The following ACTR3B variants were observed in gnomAD, a reference collection of about 807,000 sequenced individuals.
ACTR3B encodes the protein actin related protein 3B, also known as actin-related protein 3B.
In ACTR3B, 8 loss-of-function variants were observed where a neutral mutation model predicts 59.0. The observed-to-expected ratio is 0.14, with a 90% CI of 0.08 to 0.24. The LOEUF is 0.24. ACTR3B is among the 10% of genes least tolerant of loss of function. The pLI, the probability that ACTR3B is intolerant of heterozygous loss-of-function variation, is 1.00. For synonymous variants in ACTR3B, 148 were observed against 197.9 expected (o/e 0.75, Z 2.12); for missense variants, 245 against 552.3 (o/e 0.44, Z 5.58).
intron 9 of ACTR3B, among the ~76,000 whole-genome samples, chr7:152,833,056 G>A (rs1797155522): frequency 6.6e-6 from 1 of 152,184 alleles, no homozygotes; most frequent in South Asian, 2.1e-4. Context: ...CCTGTTAAGT[G>A]GCACTGAGAG....
intron 8 of ACTR3B, among the ~76,000 whole-genome samples, chr7:152,823,764 G>T (rs2116871370): frequency 6.6e-6 from 1 of 152,270 alleles, no homozygotes; most frequent in East Asian, 1.9e-4. Context: ...AGCAATAGAT[G>T]ACAATAGAAT....
intron 9 of ACTR3B, among the ~76,000 whole-genome samples, chr7:152,842,090 C>T (rs2948929): frequency 0.11 from 17,132 of 152,158 alleles, 1,149 homozygotes; most frequent in Non-Finnish European, 0.15. Flanking sequence ...TTTGACTTCC[C>T]GAAGTTTCAT....
chr7:152,842,191 C>T (rs535355387), intron 9 of ACTR3B, among the ~76,000 whole-genome samples: 6 of 151,830 alleles, frequency 4.0e-5, no homozygotes, highest in Non-Finnish European at 7.4e-5. Flanking sequence ...CCTCTGTATA[C>T]GATCTTTTTT....
At chr7:152,766,015 C>CT (rs974640808) in intron 1 of ACTR3B, among the ~76,000 whole-genome samples, 5 of 152,034 alleles carry the variant, frequency 3.3e-5, no homozygotes, top group African/African-American at 1.2e-4. Flanking sequence ...CTTCATTTCT[C>CT]TAACTTTTCT....
At chr7:152,848,542 C>G (rs925535182) in intron 9 of ACTR3B, among the ~76,000 whole-genome samples, 1 of 152,218 alleles carries the variant, frequency 6.6e-6, no homozygotes, top group African/African-American at 2.4e-5. Flanking sequence ...CTGACCCATC[C>G]TTGTTCTTCC....
rs1404987740 is a variant in ACTR3B, at chr7:152,836,586, C to CAA, written c.951+11476_951+11477dup. ...TTAGCGACAAAGGGACACCCTATTTCAAAAAAAAAAAAAGGTTGGTCTGTG... is the reference window on the plus strand; with the variant it reads ...TTAGCGACAAAGGGACACCCTATTTCAAAAAAAAAAAAAAAGGTTGGTCTGTG... On this transcript the variant is annotated intron_variant, in intron 9 of 11. Coordinates refer to ENST00000256001, the MANE Select transcript of ACTR3B (RefSeq NM_020445.6). Among the ~76,000 whole-genome samples the CAA allele has an allele frequency of 4.9e-4, 69 of 139,582 alleles. 1 individual carries two copies. The highest frequency in any genetic ancestry group is 1.7e-3 in the African/African-American group (65 of 37,952). 91.6% of individuals were successfully genotyped at this position (139,582 alleles called of 152,430 possible). A position where few individuals can be genotyped will look rare whatever the true frequency, so the allele number is the denominator to read the frequency against.
At chr7:152,797,982 T>C (rs2098223138) in intron 2 of ACTR3B, among the ~76,000 whole-genome samples, 1 of 152,186 alleles carries the variant, frequency 6.6e-6, no homozygotes, top group Admixed American at 6.5e-5. Context: ...TTGTGAATAG[T>C]GCTACAGTAA....
chr7:152,809,602 C>T (rs2098263294), intron 4 of ACTR3B, among the ~76,000 whole-genome samples: 1 of 151,360 alleles, frequency 6.6e-6, no homozygotes, highest in Non-Finnish European at 1.5e-5. Flanking sequence ...AGTGCAGTGG[C>T]ACGATCTCAG....
intron 1 of ACTR3B, among the ~76,000 whole-genome samples, chr7:152,763,275 A>G (rs1450493809): frequency 1.6e-5 from 2 of 123,994 alleles, no homozygotes; most frequent in Non-Finnish European, 3.2e-5. Context: ...AGATCGGGCC[A>G]CTGCACTCCA....
intron 1 of ACTR3B, among the ~76,000 whole-genome samples, chr7:152,777,726 G>T (rs750522403): frequency 3.9e-5 from 6 of 152,140 alleles, no homozygotes; most frequent in Non-Finnish European, 8.8e-5. Flanking sequence ...AGGCCGAGGT[G>T]GATCGCCTGA....
chr7:152,768,417 G>GT (rs1432545986), intron 1 of ACTR3B, among the ~76,000 whole-genome samples: 1 of 150,414 alleles, frequency 6.6e-6, no homozygotes, highest in East Asian at 1.9e-4. Flanking sequence ...TAGTTCTGGT[G>GT]TTTGTTTGTT....
chr7:152,789,064 A>AGCAAC (rs2098185433), intron 2 of ACTR3B, among the ~76,000 whole-genome samples: 26 of 137,716 alleles, frequency 1.9e-4, no homozygotes, highest in South Asian at 4.5e-4. Context: ...CAGCAACAAC[A>AGCAAC]AACAACAACA....
chr7:152,834,208 C>T (rs1350531603), intron 9 of ACTR3B, among the ~76,000 whole-genome samples: 2 of 149,922 alleles, frequency 1.3e-5, no homozygotes, highest in Non-Finnish European at 3.0e-5. Flanking sequence ...GCCTGGAGTG[C>T]AGTGGTGTAA....
Position 152,854,530 on chromosome 7 carries a change from C to T in ACTR3B, c.1234C>T (p.Pro412Ser), listed in dbSNP as rs147963548. 2 of 1,614,024 alleles carry T rather than the reference C, an allele frequency of 1.2e-6. No individual in the cohort carries two copies. Among genetic ancestry groups the T allele is most frequent in the African/African-American group, 2.7e-5 (2 of 74,914 alleles). Residue 412 changes from proline to serine, a missense_variant, in exon 12 of 12, where the codon CCC becomes TCC. By Grantham distance (74) the Pro-to-Ser change is moderately conservative. This residue lies in a region of ACTR3B where 153 missense variants were observed against 266.2 expected (regional missense o/e 0.57). Coordinates refer to ENST00000256001, the MANE Select transcript of ACTR3B (RefSeq NM_020445.6). The surrounding 1 kb of genome is among the most constrained non-coding windows in gnomAD (Gnocchi z 4.9). ...CGGGCCCAGCATCTGCCGCCACAACCCCGTCTTTGGAGTCATGTCCTAGTG... is the reference window on the plus strand; with the variant it reads ...CGGGCCCAGCATCTGCCGCCACAACTCCGTCTTTGGAGTCATGTCCTAGTG... ...EYGPSICRHNPVFGVMS is the reference protein window; with the variant it reads ...EYGPSICRHNSVFGVMS
intron 2 of ACTR3B, among the ~76,000 whole-genome samples, chr7:152,792,998 A>G (rs1459370493): frequency 6.9e-6 from 1 of 145,128 alleles, no homozygotes; most frequent in African/African-American, 2.5e-5. Flanking sequence ...AAGATTTCTG[A>G]TGAGAAATGT....
rs542218394 is a variant in ACTR3B at position 152,782,514 on chromosome 7, T to C, written c.45-673T>C. Among the ~76,000 whole-genome samples the C allele has an allele frequency of 6.6e-5, 10 of 152,268 alleles. No individual in the cohort carries two copies. The South Asian group carries it at 2.1e-3, about 32-fold the overall frequency. ...TAGTTAAGACTTTTGGAATCTATCATGCAGTGTCTTGACAGAAAATGGGCT... is the reference window on the plus strand; with the variant it reads ...TAGTTAAGACTTTTGGAATCTATCACGCAGTGTCTTGACAGAAAATGGGCT... On this transcript the variant is annotated intron_variant, in intron 1 of 11. Coordinates refer to ENST00000256001, the MANE Select transcript of ACTR3B (RefSeq NM_020445.6).
intron 9 of ACTR3B, among the ~76,000 whole-genome samples, chr7:152,825,933 T>C (rs1193653301): frequency 1.3e-5 from 2 of 152,216 alleles, no homozygotes; most frequent in Non-Finnish European, 2.9e-5. Flanking sequence ...TATATGATTA[T>C]TGAGTAAAAA....
intron 9 of ACTR3B, among the ~76,000 whole-genome samples, chr7:152,844,828 A>G (rs923666803): frequency 5.6e-5 from 8 of 143,774 alleles, no homozygotes. Flanking sequence ...CACTCCAAGG[A>G]TTTAATGTGA....
chr7:152,796,232 TATTATA>T (rs1349698474), intron 2 of ACTR3B, among the ~76,000 whole-genome samples: 2 of 152,214 alleles, frequency 1.3e-5, no homozygotes, highest in Non-Finnish European at 2.9e-5. Flanking sequence ...AATTTGTTGC[TATTATA>T]ATTAGTTCTA....
Sources: allele counts gnomAD v4.1 joint callset (sites outside exome capture counted in the v4.1 genomes callset), GRCh38; gene constraint gnomAD v4.1.1; regional missense constraint gnomAD v4.1.1; non-coding constraint Gnocchi (gnomAD v3.1); transcripts MANE v1.5; gene names NCBI Gene and HGNC (gene_info 2026-07-23, HGNC 2026-07-21).